SEC31A: variants seen among roughly 807,000 people sequenced by gnomAD.
SEC31A encodes protein transport protein Sec31A.
SEC31A carries 70 observed loss-of-function variants against 151.0 expected under a neutral mutation model. The ratio of observed to expected loss-of-function variants is 0.46; its 90% CI spans 0.38 to 0.57. SEC31A has a LOEUF of 0.57. SEC31A is among the 20% of genes least tolerant of loss of function. The probability of loss-of-function intolerance (pLI) is 0.00; values close to 1 mark genes in which losing one functional copy is unlikely to be tolerated. For missense variants in SEC31A, 1,330 were observed against 1,471.2 expected, an observed-to-expected ratio of 0.90 and a Z score of 1.57; for synonymous variants, 475 against 505.9, an observed-to-expected ratio of 0.94 and a Z score of 0.82.
chr4:82,837,982 A>G (rs1268786109), intron 22 of SEC31A, among the ~76,000 whole-genome samples: 1 of 152,204 alleles, frequency 6.6e-6, no homozygotes, highest in East Asian at 1.9e-4. Flanking sequence ...TCAACCATAC[A>G]TCTTTCCTTT....
At position 82,866,799 on chromosome 4, in the gene SEC31A, T is replaced by C; in HGVS notation, c.1197+9A>G. The C allele has an allele frequency of 6.3e-7, 1 of 1,597,048 alleles. No homozygotes were observed. The highest frequency in any genetic ancestry group is 8.5e-7 in the Non-Finnish European group (1 of 1,175,358). ...GTGCCTATGGACCATAAAAACAAAA[T>C]CCACCTACTGAAAAAGAAGCACCAA... On this transcript the variant is annotated intron_variant, in intron 10 of 26. Transcript: ENST00000395310.
intron 24 of SEC31A, among the ~76,000 whole-genome samples, chr4:82,826,589 G>C (rs1724635195): frequency 6.6e-6 from 1 of 152,220 alleles, no homozygotes; most frequent in Admixed American, 6.5e-5. Flanking sequence ...CTGACCTCAG[G>C]TGATCCACCC....
intron 11 of SEC31A, 27 bp downstream of exon 11, chr4:82,864,335 T>C (rs1734835871): frequency 1.4e-6 from 2 of 1,462,106 alleles, no homozygotes; most frequent in Non-Finnish European, 1.9e-6. Flanking sequence ...GATAATGAAA[T>C]AATATAGCTT....
intron 6 of SEC31A, among the ~76,000 whole-genome samples, chr4:82,873,651 GT>G (rs1737263162): frequency 6.6e-6 from 1 of 151,834 alleles, no homozygotes; most frequent in South Asian, 2.1e-4. Context: ...CTCCCAAATA[GT>G]TTTTTGTTGT....
intron 3 of SEC31A, among the ~76,000 whole-genome samples, chr4:82,880,098 G>C (rs1738929570): frequency 6.6e-6 from 1 of 151,784 alleles, no homozygotes; most frequent in South Asian, 2.1e-4. Flanking sequence ...CAGGAGAATT[G>C]CTAGAACCTA....
intron 22 of SEC31A, among the ~76,000 whole-genome samples, chr4:82,840,290 T>C (rs1462321902): frequency 6.6e-6 from 1 of 152,138 alleles, no homozygotes; most frequent in Non-Finnish European, 1.5e-5. Context: ...ACTTTTTAAG[T>C]GGGGATTTAC....
chr4:82,853,418 C>T (rs763549255), intron 18 of SEC31A, 152 bp downstream of exon 18: 117 of 620,430 alleles, frequency 1.9e-4, no homozygotes, highest in Non-Finnish European at 1.4e-4. Flanking sequence ...TCAAACTTTG[C>T]TTCTTCAAAG....
chr4:82,836,058 G>A (rs925542202), intron 22 of SEC31A, among the ~76,000 whole-genome samples: 2 of 152,080 alleles, frequency 1.3e-5, no homozygotes, highest in Non-Finnish European at 2.9e-5. Context: ...GTTTGATCCA[G>A]CAATTCCACC....
chr4:82,875,728 T>C lies in SEC31A; in HGVS notation c.497A>G (p.Gln166Arg). ...ATPMTPGAKT[Q>R]PPEDISCIAW... Reference sequence around the variant, plus strand: ...TGATCAAAATCAATATAAAAATACCTGTGTTTTGGCTCCTGGTGTCATTGG... The same window carrying C: ...TGATCAAAATCAATATAAAAATACCCGTGTTTTGGCTCCTGGTGTCATTGG... The change falls in exon 5 of 27, where the codon CAG becomes CGG. Residue 166 changes from glutamine (Q) to arginine (R), a missense_variant and splice_region_variant. Physicochemically the swap from Gln to Arg is conservative, Grantham distance 43. Coordinates refer to ENST00000395310, the MANE Select transcript of SEC31A (RefSeq NM_001077207.4). The C allele has an allele frequency of 6.4e-7, 1 of 1,564,686 alleles. No individual in the cohort carries two copies. Among genetic ancestry groups the C allele is most frequent in the Non-Finnish European group, 8.8e-7 (1 of 1,139,954 alleles).
upstream of SEC31A, among the ~76,000 whole-genome samples, chr4:82,891,553 G>A (rs561980503): frequency 4.3e-4 from 66 of 152,330 alleles, no homozygotes; most frequent in African/African-American, 1.3e-3. Context: ...GACACTGCCC[G>A]CGCCAAACCA....
At chr4:82,849,026 T>C (rs746623501) in intron 19 of SEC31A, 49 bp from the exon 20 acceptor site, 17 of 1,484,264 alleles carry the variant, frequency 1.1e-5, no homozygotes, top group Non-Finnish European at 1.6e-5. Context: ...CACCCAGGTA[T>C]ATGACAGCAT....
intron 8 of SEC31A, among the ~76,000 whole-genome samples, chr4:82,869,992 G>A (rs1442160726): frequency 6.6e-6 from 1 of 152,164 alleles, no homozygotes. Flanking sequence ...TGCAAACCTT[G>A]AACAATCCTA....
At chr4:82,885,271 G>A (rs1740422206) in intron 1 of SEC31A, among the ~76,000 whole-genome samples, 1 of 152,008 alleles carries the variant, frequency 6.6e-6, no homozygotes, top group Non-Finnish European at 1.5e-5. Flanking sequence ...TGACAGACAT[G>A]GTTGGTCTTA....
exon 1 of SEC31A, chr4:82,900,511 C>T (rs890687307): frequency 2.2e-5 from 10 of 457,146 alleles, no homozygotes; most frequent in Non-Finnish European, 3.5e-5. Context: ...GGAAAATAAA[C>T]CGGTTGCAGC....
intron 1 of SEC31A, among the ~76,000 whole-genome samples, chr4:82,888,557 G>C (rs1248300681): frequency 6.6e-6 from 1 of 151,746 alleles, no homozygotes; most frequent in Non-Finnish European, 1.5e-5. Flanking sequence ...GCGCGTGATG[G>C]CGCGGCCAGT....
In SEC31A at chr4:82,842,258, T is replaced by C. The variant is rs759081620; in HGVS notation, c.2850A>G (p.Gly950=). Residue 950 remains glycine (G), a synonymous_variant, in exon 22 of 27, where the codon GGA becomes GGG. Transcript: ENST00000395310. ...ATSFPPPPSS[G]ASFQHGGPGA... is the part of the protein sequence containing the mutation. Reference sequence around the variant, plus strand: ...CTGGTCCGCCATGCTGGAAGGATGCTCCAGAGGAAGGGGGAGGAGGGAAAG... The same window carrying C: ...CTGGTCCGCCATGCTGGAAGGATGCCCCAGAGGAAGGGGGAGGAGGGAAAG... 1.2e-6 allele frequency: 2 copies of C among 1,613,838 alleles called. No homozygotes were observed. The highest frequency in any genetic ancestry group is 1.7e-6 in the Non-Finnish European group (2 of 1,179,928).
At chr4:82,874,518 A>T in intron 6 of SEC31A, 93 bp downstream of exon 6, 1 of 1,282,404 alleles carries the variant, frequency 7.8e-7, no homozygotes, top group Non-Finnish European at 1.1e-6. Flanking sequence ...TTGACTTCAC[A>T]GAAATTTGAT....
chr4:82,826,677 A>G (rs1243923210), intron 24 of SEC31A, among the ~76,000 whole-genome samples: 2 of 152,238 alleles, frequency 1.3e-5, no homozygotes, highest in African/African-American at 4.8e-5. Context: ...TCTTAACAGT[A>G]AAGTATAATC....
At chr4:82,863,167 TAAGAAA>T in intron 12 of SEC31A, 145 bp downstream of exon 12, 1 of 567,538 alleles carries the variant, frequency 1.8e-6, no homozygotes, top group Admixed American at 3.8e-5. Flanking sequence ...TGATGGAGAA[TAAGAAA>T]AAGAAAAAGG....
Sources: gnomAD v4.1 joint callset for allele counts (sites outside exome capture counted in the v4.1 genomes callset) on GRCh38, gnomAD v4.1.1 for gene constraint, MANE v1.5 for transcripts, NCBI Gene and HGNC (gene_info 2026-07-23, HGNC 2026-07-21) for gene names.